Variants in MBNL1 observed in about 807,000 individuals in gnomAD.
MBNL1 encodes the protein muscleblind like splicing regulator 1.
MBNL1 carries 8 observed loss-of-function variants against 42.2 expected under a neutral mutation model. The ratio of observed to expected loss-of-function variants is 0.19; its 90% CI spans 0.11 to 0.34. The LOEUF is 0.34. Ranked by LOEUF, MBNL1 falls within the 10% of genes least tolerant of loss-of-function variation. The probability of loss-of-function intolerance (pLI) is 1.00; values close to 1 mark genes in which losing one functional copy is unlikely to be tolerated. For missense variants in MBNL1, 309 were observed against 495.3 expected (o/e 0.62, Z 3.57); for synonymous variants, 169 against 173.9 (o/e 0.97, Z 0.22).
In MBNL1 at chr3:152,305,804, TA is replaced by T. The variant is rs543130485; in HGVS notation, c.174+5438del. On this transcript the variant is annotated intron_variant, in intron 2 of 9. Coordinates refer to ENST00000324210, the MANE Select transcript of MBNL1 (RefSeq NM_021038.5). The stretch of plus-strand genomic sequence containing the variant: ...TGAGGACTTATGCTAATTGCTCACT[TA>T]TACTAACAGCAACTACAGAGTTTTT... Among the ~76,000 whole-genome samples the T allele has an allele frequency of 5.3e-5, 8 of 152,362 alleles. No homozygotes were observed. In the South Asian group the frequency reaches 1.2e-3, roughly 24 times the overall value.
At chr3:152,268,730 C>T, upstream of MBNL1, 1 of 454,986 alleles carries the variant, frequency 2.2e-6, no homozygotes, top group South Asian at 1.6e-5. Flanking sequence ...GTCCGGTTGA[C>T]AGGCGACCCT....
At chr3:152,301,842 T>C (rs2060843628) in intron 2 of MBNL1, 1 of 152,196 alleles carries the variant, frequency 6.6e-6, no homozygotes, top group South Asian at 2.1e-4. Context: ...CTAATTACTC[T>C]TGTCGGTAAC....
chr3:152,414,396 A>C (rs2098659990), intron 2 of MBNL1, among the ~76,000 whole-genome samples: 1 of 152,206 alleles, frequency 6.6e-6, no homozygotes, highest in African/African-American at 2.4e-5. Context: ...TCTTCTTTTC[A>C]ATTGTAAATT....
At chr3:152,338,246 C>A in intron 2 of MBNL1, 1 of 985,326 alleles carries the variant, frequency 1.0e-6, no homozygotes, top group South Asian at 4.7e-5. Flanking sequence ...CTTGGTGATT[C>A]TTTTCAAGCA....
At chr3:152,433,875 G>T (rs1172297073) in intron 4 of MBNL1, among the ~76,000 whole-genome samples, 1 of 152,120 alleles carries the variant, frequency 6.6e-6, no homozygotes, top group Admixed American at 6.5e-5. Flanking sequence ...ATTTCAAAGT[G>T]GTTGTTCAGA....
At chr3:152,413,983 T>C (rs981663036) in intron 2 of MBNL1, among the ~76,000 whole-genome samples, 4 of 152,236 alleles carry the variant, frequency 2.6e-5, no homozygotes, top group African/African-American at 9.6e-5. Flanking sequence ...GCTCTCACTA[T>C]GTTGCCCAGG....
chr3:152,331,519 A>G (rs866862989), intron 2 of MBNL1, among the ~76,000 whole-genome samples: 1 of 152,072 alleles, frequency 6.6e-6, no homozygotes, highest in Non-Finnish European at 1.5e-5. Flanking sequence ...TGAGGAGCTC[A>G]CTGTAACTTC....
chr3:152,440,353 A>T (rs559912970), intron 4 of MBNL1, among the ~76,000 whole-genome samples: 9 of 152,362 alleles, frequency 5.9e-5, no homozygotes, highest in African/African-American at 2.2e-4. Flanking sequence ...AAAGAGGTTT[A>T]TTGGACTTAC....
chr3:152,416,347 T>G (rs759883755), intron 3 of MBNL1, among the ~76,000 whole-genome samples: 30 of 152,226 alleles, frequency 2.0e-4, no homozygotes, highest in Non-Finnish European at 5.9e-5. Context: ...GTAGGCTCAG[T>G]TAAAAATGTG....
intron 2 of MBNL1, among the ~76,000 whole-genome samples, chr3:152,373,788 T>C (rs962871587): frequency 6.6e-6 from 1 of 152,202 alleles, no homozygotes; most frequent in Non-Finnish European, 1.5e-5. Context: ...ATTTTACTTT[T>C]AAGTGATTAG....
chr3:152,329,024 TA>T (rs1160742181), intron 2 of MBNL1, among the ~76,000 whole-genome samples: 1 of 151,906 alleles, frequency 6.6e-6, no homozygotes, highest in Non-Finnish European at 1.5e-5. Flanking sequence ...AAAAGAATAC[TA>T]GGGGAAAAAC....
intron 2 of MBNL1, among the ~76,000 whole-genome samples, chr3:152,304,496 C>T (rs191609171): frequency 6.6e-6 from 1 of 152,262 alleles, no homozygotes; most frequent in Admixed American, 6.5e-5. Context: ...ATCACTGTTA[C>T]CAGGAAGTTT....
chr3:152,364,193 C>G (rs1172709302), intron 2 of MBNL1, among the ~76,000 whole-genome samples: 1 of 152,022 alleles, frequency 6.6e-6, no homozygotes, highest in Non-Finnish European at 1.5e-5. Flanking sequence ...ATAATCTCCA[C>G]CTGTTTCATA....
At chr3:152,426,414 A>T (rs1423212113) in intron 3 of MBNL1, among the ~76,000 whole-genome samples, 1 of 152,242 alleles carries the variant, frequency 6.6e-6, no homozygotes, top group Non-Finnish European at 1.5e-5. Flanking sequence ...TATTATTTTT[A>T]CTTTGTCACA....
chr3:152,289,844 T>C (rs2054828670), intron 1 of MBNL1, among the ~76,000 whole-genome samples: 1 of 152,114 alleles, frequency 6.6e-6, no homozygotes, highest in Non-Finnish European at 1.5e-5. Flanking sequence ...ATAGGGACTT[T>C]TACTGATTAT....
intron 7 of MBNL1, among the ~76,000 whole-genome samples, chr3:152,456,062 T>TC (rs1224805558): frequency 2.0e-5 from 3 of 152,122 alleles, no homozygotes; most frequent in Non-Finnish European, 4.4e-5. Flanking sequence ...CCCTTTTTTT[T>TC]CTCTTTCATC....
At chr3:152,384,090 A>G (rs1223135374) in intron 2 of MBNL1, among the ~76,000 whole-genome samples, 1 of 152,174 alleles carries the variant, frequency 6.6e-6, no homozygotes, top group African/African-American at 2.4e-5. Context: ...TAAATGATTT[A>G]TATTTGAATT....
upstream of MBNL1, chr3:152,268,882 G>C (rs2038145288): frequency 2.2e-6 from 1 of 454,136 alleles, no homozygotes; most frequent in Admixed American, 2.4e-5. Context: ...CGCAGCAGCA[G>C]CGGAAGCCAG....
intron 2 of MBNL1, among the ~76,000 whole-genome samples, chr3:152,336,054 TGAG>T (rs2089870034): frequency 6.6e-6 from 1 of 152,220 alleles, no homozygotes; most frequent in Non-Finnish European, 1.5e-5. Flanking sequence ...AATATAACTG[TGAG>T]CACATTCATC....
Sources: allele counts gnomAD v4.1 joint callset (sites outside exome capture counted in the v4.1 genomes callset), GRCh38; gene constraint gnomAD v4.1.1; transcripts MANE v1.5; gene names NCBI Gene and HGNC (gene_info 2026-07-23, HGNC 2026-07-21).